The following CEACAM21 variants were observed in gnomAD, a reference collection of about 807,000 sequenced individuals.
CEACAM21 encodes cell adhesion molecule CEACAM21.
A neutral mutation model predicts 33.2 loss-of-function variants in CEACAM21; 38 were observed. That is an observed-to-expected ratio of 1.14 (90% CI 0.88 to 1.50). The LOEUF (loss-of-function observed/expected upper bound fraction) is 1.50. Ranked by LOEUF, CEACAM21 falls within the 40% of genes most tolerant of loss-of-function variation. CEACAM21 has a pLI of 0.00. For missense variants in CEACAM21, 385 were observed against 364.6 expected (o/e 1.06, Z -0.46); for synonymous variants, 156 against 143.0 (o/e 1.09, Z -0.65).
At chr19:41,562,482 G>A (rs2041951367) in intron 1 of CEACAM21, among the ~76,000 whole-genome samples, 1 of 151,960 alleles carries the variant, frequency 6.6e-6, no homozygotes, top group Non-Finnish European at 1.5e-5. Flanking sequence ...CATACAACAG[G>A]AAATATGTAT....
In CEACAM21 at chr19:41,579,381, C is replaced by T. The variant is rs1555792448; in HGVS notation, c.453C>T (p.Ala151=). ...YESVAQPSIQ[A]SSTTVTEKGS... is the part of the protein sequence containing the mutation. ...CAGTGGCTCAGCCCTCCATCCAAGCCAGCAGCACCACAGTCACAGAGAAGG... is the reference window on the plus strand; with the variant it reads ...CAGTGGCTCAGCCCTCCATCCAAGCTAGCAGCACCACAGTCACAGAGAAGG... Residue 151 remains alanine, a synonymous_variant, in exon 3 of 7, where the codon GCC becomes GCT. Coordinates refer to ENST00000401445, the MANE Select transcript of CEACAM21 (RefSeq NM_001098506.4). The T allele has an allele frequency of 6.2e-7, 1 of 1,613,986 alleles. No homozygotes were observed. Among genetic ancestry groups the T allele is most frequent in the South Asian group, 1.1e-5 (1 of 91,086 alleles).
Position 41,577,384 on chromosome 19 carries a change from A to G in CEACAM21, c.249A>G (p.Val83=). Residue 83 remains valine, a synonymous_variant, in exon 2 of 7, where the codon GTA becomes GTG. Transcript: ENST00000401445. The part of the protein sequence containing the change: ...VEPNQLIAAY[V]IDTHVRTPGP... ...CCAACCAGCTAATCGCAGCATATGTAATAGACACTCACGTTAGGACTCCAG... is the reference window on the plus strand; with the variant it reads ...CCAACCAGCTAATCGCAGCATATGTGATAGACACTCACGTTAGGACTCCAG... 6.2e-7 allele frequency: 1 copy of G among 1,612,824 alleles called. No homozygotes were observed. The highest frequency in any genetic ancestry group is 8.5e-7 in the Non-Finnish European group (1 of 1,179,972).
chr19:41,567,278 C>T (rs1364124233), intron 2 of CEACAM21, among the ~76,000 whole-genome samples: 2 of 152,178 alleles, frequency 1.3e-5, no homozygotes, highest in Non-Finnish European at 2.9e-5. Context: ...GGACATTAAA[C>T]AGACCCTGTT....
chr19:41,558,549 A>G (rs896021299), intron 1 of CEACAM21, among the ~76,000 whole-genome samples: 1 of 152,156 alleles, frequency 6.6e-6, no homozygotes, highest in African/African-American at 2.4e-5. Context: ...CTGGAGGCTG[A>G]GGCAGGAGAA....
At chr19:41,582,019 C>G (rs1240702709) in intron 3 of CEACAM21, among the ~76,000 whole-genome samples, 2 of 152,216 alleles carry the variant, frequency 1.3e-5, no homozygotes, top group African/African-American at 4.8e-5. Flanking sequence ...TCCCTTCCAC[C>G]TATAAGCCTG....
At chr19:41,583,356 T>C (rs1300441708) in intron 3 of CEACAM21, among the ~76,000 whole-genome samples, 1 of 152,202 alleles carries the variant, frequency 6.6e-6, no homozygotes, top group Non-Finnish European at 1.5e-5. Flanking sequence ...TTTCAAACTT[T>C]TTTCCTGTGT....
chr19:41,566,809 T>G (rs782617884), intron 2 of CEACAM21, among the ~76,000 whole-genome samples: 2 of 152,210 alleles, frequency 1.3e-5, no homozygotes, highest in Non-Finnish European at 2.9e-5. Context: ...ATAAAAATTA[T>G]CAACTGTCTT....
At position 41,554,068 on chromosome 19, in the gene CEACAM21, G is replaced by A. The variant is rs2041390680; in HGVS notation, c.-779+4516G>A. On this transcript the variant is annotated intron_variant, in intron 1 of 7. Coordinates refer to the CEACAM21 transcript ENST00000407170. ...AGAAAATTTGCCTTGACTCTGAAAA[G>A]CAAAACAAAGGATCAGCAACGTTTT... Among the ~76,000 whole-genome samples the A allele has an allele frequency of 3.9e-5, 6 of 152,106 alleles. No homozygotes were observed. In the South Asian group the frequency reaches 1.2e-3, roughly 32 times the overall value.
At position 41,586,452 on chromosome 19, in the gene CEACAM21, C is replaced by G. The variant is rs782247439; in HGVS notation, c.*1-12C>G. On this transcript the variant is annotated splice_polypyrimidine_tract_variant and intron_variant, in intron 6 of 6. Transcript: ENST00000401445. ...GGCCTCAGGGGTCAAGACCTCTTCT[C>G]TGTTTTTACAGGAATTGCTACACTC... The G allele has an allele frequency of 6.3e-6, 4 of 639,628 alleles. No individual in the cohort carries two copies. The highest frequency in any genetic ancestry group is 9.0e-6 in the Non-Finnish European group (3 of 334,674). The allele number at this position is 639,628 out of a possible 1,614,324, so 39.6% of individuals were successfully genotyped here.
chr19:41,570,638 T>G (rs1169045306), intron 2 of CEACAM21, among the ~76,000 whole-genome samples: 3 of 152,064 alleles, frequency 2.0e-5, no homozygotes, highest in Non-Finnish European at 4.4e-5. Context: ...GACCATGCCA[T>G]CAAAATCTCC....
At chr19:41,549,626 T>C (rs1182855929) in intron 1 of CEACAM21, 1 of 152,224 alleles carries the variant, frequency 6.6e-6, no homozygotes, top group Non-Finnish European at 1.5e-5. Flanking sequence ...ATTGTATTGC[T>C]GTTATTTGGT....
intron 4 of CEACAM21, 123 bp from the exon 5 acceptor site, chr19:41,585,320 T>A: frequency 1.0e-6 from 1 of 974,244 alleles, no homozygotes; most frequent in Non-Finnish European, 1.6e-6. Flanking sequence ...ACCACAGAAC[T>A]CCATAAAGAA....
At chr19:41,566,381 C>T (rs1410347493) in intron 2 of CEACAM21, among the ~76,000 whole-genome samples, 20 of 152,104 alleles carry the variant, frequency 1.3e-4, no homozygotes, top group Non-Finnish European at 1.5e-5. Context: ...TTACAGAATA[C>T]GCATAACTTT....
intron 2 of CEACAM21, among the ~76,000 whole-genome samples, chr19:41,578,720 G>A (rs138100786): frequency 5.7e-4 from 87 of 152,280 alleles, no homozygotes; most frequent in African/African-American, 2.0e-3. Flanking sequence ...TCAATGCCAG[G>A]ATTGTCCAAG....
chr19:41,562,599 A>G lies in CEACAM21; in HGVS notation c.-778-2083A>G, dbSNP rs150827196. 1.1e-3 allele frequency among the ~76,000 whole-genome samples: 163 copies of G among 152,372 alleles called. 1 individual carries two copies. The highest frequency in any genetic ancestry group is 3.7e-3 in the African/African-American group (152 of 41,588). On this transcript the variant is annotated intron_variant, in intron 1 of 7. Transcript: ENST00000407170. Reference sequence around the variant, plus strand: ...GAGAGAAATAAAATGTGGCATATTAATGCAACAGGAGAATACCTAATAATA... The same window carrying G: ...GAGAGAAATAAAATGTGGCATATTAGTGCAACAGGAGAATACCTAATAATA...
At chr19:41,578,629 T>C (rs1555792171) in intron 2 of CEACAM21, among the ~76,000 whole-genome samples, 1 of 152,084 alleles carries the variant, frequency 6.6e-6, no homozygotes, top group African/African-American at 2.4e-5. Context: ...GAGAGGGAGA[T>C]TCTGGTCTGA....
chr19:41,551,543 AGAACCCGTGAAGTGGGGGAGGAGGTTT>A (rs2041198414), intron 1 of CEACAM21: 1 of 149,834 alleles, frequency 6.7e-6, no homozygotes, highest in Admixed American at 6.6e-5. Context: ...CAATATGGAG[AGAACCCGTGAAGTGGGGGAGGAGGTTT>A]CCATGGGGTC....
chr19:41,566,556 A>T (rs2122192081), intron 2 of CEACAM21, among the ~76,000 whole-genome samples: 1 of 152,314 alleles, frequency 6.6e-6, no homozygotes, highest in African/African-American at 2.4e-5. Flanking sequence ...GCTATTATTA[A>T]TTCTGAATTT....
At chr19:41,567,218 C>T (rs753100676) in intron 2 of CEACAM21, among the ~76,000 whole-genome samples, 1 of 151,934 alleles carries the variant, frequency 6.6e-6, no homozygotes, top group Non-Finnish European at 1.5e-5. Flanking sequence ...TGTTAAGGTC[C>T]AATAATTTGA....
Sources: allele counts gnomAD v4.1 joint callset (sites outside exome capture counted in the v4.1 genomes callset), GRCh38; gene constraint gnomAD v4.1.1; transcripts MANE v1.5; gene names NCBI Gene and HGNC (gene_info 2026-07-23, HGNC 2026-07-21).